SBF2: variants seen among roughly 807,000 people sequenced by gnomAD.
The protein encoded by SBF2 is SET binding factor 2, also known as myotubularin-related protein 13.
Under a neutral mutation model 225.2 loss-of-function variants are expected in SBF2, and 112 were observed. That is an observed-to-expected ratio of 0.50 (90% CI 0.43 to 0.58). The LOEUF (loss-of-function observed/expected upper bound fraction) is 0.58, where lower values mean the gene tolerates loss of function less well. SBF2 is among the 20% of genes least tolerant of loss of function. SBF2 has a pLI of 0.00. For synonymous variants in SBF2, 763 were observed against 773.3 expected, an observed-to-expected ratio of 0.99 and a Z score of 0.22; for missense variants, 1,996 against 2,206.2, an observed-to-expected ratio of 0.90 and a Z score of 1.91.
At chr11:9,802,276 T>C (rs1444758933) in intron 32 of SBF2, among the ~76,000 whole-genome samples, 1 of 152,224 alleles carries the variant, frequency 6.6e-6, no homozygotes, top group Non-Finnish European at 1.5e-5. Context: ...TAAGCCAATT[T>C]CTTTTAGAAG....
chr11:10,272,734 C>T (rs1962600630), intron 1 of SBF2, among the ~76,000 whole-genome samples: 1 of 151,864 alleles, frequency 6.6e-6, no homozygotes, highest in African/African-American at 2.4e-5. Flanking sequence ...CACTGCACTC[C>T]AGCCTGGGCA....
rs188897766 is a variant in SBF2 at position 10,207,139 on chromosome 11, C to G, written c.56-13152G>C. On this transcript the variant is annotated intron_variant, in intron 1 of 39. Coordinates refer to ENST00000256190, the MANE Select transcript of SBF2 (RefSeq NM_030962.4). ...TACAGGATAACACCAATTCAAATGA[C>G]AGCAAATTTCTCATCAGAAACCATG... Among the ~76,000 whole-genome samples, 164 of 152,150 alleles carry G rather than the reference C, an allele frequency of 1.1e-3. 3 individuals are homozygous for G. Among genetic ancestry groups the G allele is most frequent in the South Asian group, 5.6e-3 (27 of 4,822 alleles).
At chr11:10,048,531 A>G (rs1394030730) in intron 2 of SBF2, among the ~76,000 whole-genome samples, 1 of 152,204 alleles carries the variant, frequency 6.6e-6, no homozygotes, top group African/African-American at 2.4e-5. Flanking sequence ...TAATTTCATT[A>G]TAACTGGCAT....
At chr11:9,889,071 C>A (rs1398633077) in intron 17 of SBF2, among the ~76,000 whole-genome samples, 1 of 152,154 alleles carries the variant, frequency 6.6e-6, no homozygotes, top group Non-Finnish European at 1.5e-5. Flanking sequence ...ATGAAAAACA[C>A]AGATTTTACT....
chr11:10,074,140 G>C (rs7114303), intron 2 of SBF2, among the ~76,000 whole-genome samples: 43,092 of 152,014 alleles, frequency 0.28, 6,322 homozygotes, highest in Admixed American at 0.36. Context: ...AGGTATAATA[G>C]AGCGGGAAAG....
intron 2 of SBF2, among the ~76,000 whole-genome samples, chr11:10,173,862 C>T (rs549122172): frequency 0.053 from 8,064 of 151,404 alleles, 307 homozygotes; most frequent in Middle Eastern, 0.14. Flanking sequence ...CCCTGACCCC[C>T]GAGCAGCCTA....
upstream of SBF2, among the ~76,000 whole-genome samples, chr11:10,294,526 A>G (rs1017060212): frequency 1.3e-5 from 2 of 152,190 alleles, no homozygotes; most frequent in Non-Finnish European, 2.9e-5. Context: ...TGGAGAGTTG[A>G]GGGGTCACTT....
At chr11:9,798,883 C>T (rs1209017540) in intron 32 of SBF2, among the ~76,000 whole-genome samples, 3 of 147,246 alleles carry the variant, frequency 2.0e-5, no homozygotes, top group East Asian at 4.0e-4. Context: ...AACTGGGAGG[C>T]GGAGCTTGCA....
At chr11:9,898,355 T>G (rs945300839) in intron 16 of SBF2, among the ~76,000 whole-genome samples, 2 of 148,360 alleles carry the variant, frequency 1.3e-5, no homozygotes, top group East Asian at 3.9e-4. Context: ...GCATGTTCTA[T>G]TGCAATGACT....
At chr11:10,196,304 A>G (rs953149522) in intron 1 of SBF2, among the ~76,000 whole-genome samples, 1 of 152,204 alleles carries the variant, frequency 6.6e-6, no homozygotes, top group South Asian at 2.1e-4. Flanking sequence ...TTATTCTATC[A>G]TGTTTAATCA....
chr11:10,079,589 G>T (rs1796254677), intron 2 of SBF2, among the ~76,000 whole-genome samples: 1 of 152,132 alleles, frequency 6.6e-6, no homozygotes, highest in Non-Finnish European at 1.5e-5. Flanking sequence ...CATTTGAGAA[G>T]TATGGAACTA....
chr11:10,174,815 G>A (rs12276316), intron 2 of SBF2, among the ~76,000 whole-genome samples: 14,104 of 150,200 alleles, frequency 0.094, 883 homozygotes, highest in East Asian at 0.27. Flanking sequence ...CGGATCTCTC[G>A]GCAGAAACTC....
intron 1 of SBF2, among the ~76,000 whole-genome samples, chr11:10,283,343 G>C (rs887453547): frequency 6.6e-6 from 1 of 151,314 alleles, no homozygotes; most frequent in East Asian, 1.9e-4. Context: ...GAAAACTCAG[G>C]CTATGTATTA....
At chr11:10,291,287 A>T (rs999238027) in intron 1 of SBF2, among the ~76,000 whole-genome samples, 2 of 152,050 alleles carry the variant, frequency 1.3e-5, no homozygotes, top group Non-Finnish European at 2.9e-5. Context: ...TTTTAAAGAG[A>T]CCCCAGAGAG....
intron 2 of SBF2, among the ~76,000 whole-genome samples, chr11:10,182,842 C>T (rs950525668): frequency 1.3e-5 from 2 of 151,818 alleles, no homozygotes; most frequent in African/African-American, 4.8e-5. Flanking sequence ...GGCGATGTCT[C>T]GTCTCACTGC....
intron 2 of SBF2, among the ~76,000 whole-genome samples, chr11:10,158,681 T>A (rs1256812320): frequency 6.6e-6 from 1 of 151,984 alleles, no homozygotes. Flanking sequence ...ATACAGATCA[T>A]AAAAAGCCAT....
At position 9,826,668 on chromosome 11, in the gene SBF2, A is replaced by C. The variant is rs188926980; in HGVS notation, c.3793+2688T>G. Among the ~76,000 whole-genome samples, 104 of 151,802 alleles carry C rather than the reference A, an allele frequency of 6.9e-4. 1 individual carries two copies. The highest frequency in any genetic ancestry group is 6.8e-3 in the Middle Eastern group (2 of 294). The stretch of plus-strand genomic sequence containing the variant: ...GGAAGAAATGAGTTTCCCATTACTG[A>C]TGATGTTCAAGCAGAAACAAGATTA... On this transcript the variant is annotated intron_variant, in intron 28 of 39. Coordinates refer to ENST00000256190, the MANE Select transcript of SBF2 (RefSeq NM_030962.4).
Position 9,778,761 on chromosome 11 carries a change from T to C in SBF2, c.*1657A>G, listed in dbSNP as rs1305945688. 6.6e-6 allele frequency: 1 copy of C among 152,666 alleles called. No individual in the cohort carries two copies. Among genetic ancestry groups the C allele is most frequent in the Non-Finnish European group, 1.5e-5 (1 of 68,040 alleles). 9.5% of individuals were successfully genotyped at this position (152,666 alleles called of 1,614,324 possible). A position where few individuals can be genotyped will look rare whatever the true frequency, so the allele number is the denominator to read the frequency against. Reference sequence around the variant, plus strand: ...ATGCTGTGCACTACAGAATGAACTTTAGTTCACAGTAAATGAGGGATGCTT... The same window carrying C: ...ATGCTGTGCACTACAGAATGAACTTCAGTTCACAGTAAATGAGGGATGCTT... On this transcript the variant is annotated 3_prime_UTR_variant, in exon 40 of 40. Coordinates refer to ENST00000256190, the MANE Select transcript of SBF2 (RefSeq NM_030962.4).
At chr11:9,932,495 T>G (rs866265490) in intron 16 of SBF2, among the ~76,000 whole-genome samples, 7 of 151,924 alleles carry the variant, frequency 4.6e-5, no homozygotes, top group East Asian at 1.9e-4. Flanking sequence ...TTAAAGAAAA[T>G]AATTTTCAAC....
Sources: allele counts gnomAD v4.1 joint callset (sites outside exome capture counted in the v4.1 genomes callset), GRCh38; gene constraint gnomAD v4.1.1; transcripts MANE v1.5; gene names NCBI Gene and HGNC (gene_info 2026-07-23, HGNC 2026-07-21).